DCBLD2: variants seen among roughly 807,000 people sequenced by gnomAD.
DCBLD2 encodes discoidin, CUB and LCCL domain containing 2, also known as discoidin, CUB and LCCL domain-containing protein 2.
DCBLD2 carries 54 observed loss-of-function variants against 86.8 expected under a neutral mutation model. That is an observed-to-expected ratio of 0.62 (90% CI 0.50 to 0.78). The LOEUF is 0.78. Ranked by LOEUF, DCBLD2 falls within the 30% of genes least tolerant of loss-of-function variation. The probability of loss-of-function intolerance (pLI) is 0.00; values close to 1 mark genes in which losing one functional copy is unlikely to be tolerated. For missense variants in DCBLD2, 908 were observed against 954.2 expected, an observed-to-expected ratio of 0.95 and a Z score of 0.64; for synonymous variants, 354 against 341.3, an observed-to-expected ratio of 1.04 and a Z score of -0.41.
intron 4 of DCBLD2, 84 bp downstream of exon 4, chr3:98,825,231 G>T: frequency 9.9e-7 from 1 of 1,011,888 alleles, no homozygotes; most frequent in Non-Finnish European, 1.4e-6. Flanking sequence ...TTAACCCTAA[G>T]AGTATACAGA....
In DCBLD2 at chr3:98,798,763, A is replaced by G. The variant is rs1207510546; in HGVS notation, c.*609T>C. 1.3e-5 allele frequency: 2 copies of G among 152,494 alleles called. No individual in the cohort carries two copies. The highest frequency in any genetic ancestry group is 1.5e-5 in the Non-Finnish European group (1 of 68,264). The allele number at this position is 152,494 out of a possible 1,614,324, so 9.4% of individuals were successfully genotyped here. ...ATATACTGTGAAGCATTAAAGCTCT[A>G]AAGAGTGTCACAAAGTGAAAAAGCA... On this transcript the variant is annotated 3_prime_UTR_variant, in exon 16 of 16. Transcript: ENST00000326840.
At chr3:98,857,622 C>T (rs868376302) in intron 2 of DCBLD2, among the ~76,000 whole-genome samples, 56 of 152,164 alleles carry the variant, frequency 3.7e-4, no homozygotes, top group African/African-American at 1.3e-3. Context: ...CTGAGCTAGA[C>T]GCAGGGTGCT....
chr3:98,841,244 T>TA (rs1942614897), intron 3 of DCBLD2, among the ~76,000 whole-genome samples: 1 of 152,160 alleles, frequency 6.6e-6, no homozygotes. Flanking sequence ...GGCAAGCCAA[T>TA]AATCAATAAC....
chr3:98,850,281 A>G (rs1256379054), intron 2 of DCBLD2, among the ~76,000 whole-genome samples: 2 of 152,234 alleles, frequency 1.3e-5, no homozygotes, highest in Admixed American at 6.5e-5. Context: ...TGGGCCACAC[A>G]TAAAATGCAT....
intron 1 of DCBLD2, among the ~76,000 whole-genome samples, chr3:98,894,993 T>C (rs1053294349): frequency 4.6e-5 from 7 of 151,996 alleles, no homozygotes; most frequent in Admixed American, 2.0e-4. Flanking sequence ...CAAGAAGGGT[T>C]TTGAAGGCTG....
chr3:98,844,034 G>GCGCACACACACACACACACA (rs1553727568), intron 3 of DCBLD2, among the ~76,000 whole-genome samples: 4 of 145,526 alleles, frequency 2.7e-5, no homozygotes, highest in Non-Finnish European at 4.5e-5. Context: ...AATCATGCAT[G>GCGCACACACACACACACACA]CACACACACA....
intron 2 of DCBLD2, among the ~76,000 whole-genome samples, chr3:98,867,120 T>G (rs1238634233): frequency 6.6e-6 from 1 of 152,248 alleles, no homozygotes; most frequent in Non-Finnish European, 1.5e-5. Context: ...CCTTGTAGTA[T>G]AGTTTGAAGT....
At chr3:98,875,274 C>G (rs1298223465) in intron 2 of DCBLD2, among the ~76,000 whole-genome samples, 2 of 152,084 alleles carry the variant, frequency 1.3e-5, no homozygotes, top group African/African-American at 2.4e-5. Context: ...GAACCCGTTA[C>G]AGGATATAAC....
At chr3:98,841,271 G>C (rs1371457519) in intron 3 of DCBLD2, among the ~76,000 whole-genome samples, 3 of 152,048 alleles carry the variant, frequency 2.0e-5, no homozygotes, top group Admixed American at 2.0e-4. Flanking sequence ...AGGAACGTCA[G>C]GTTTTCTGAA....
At chr3:98,863,747 C>A (rs540600290) in intron 2 of DCBLD2, among the ~76,000 whole-genome samples, 210 of 152,196 alleles carry the variant, frequency 1.4e-3, no homozygotes, top group African/African-American at 4.5e-3. Context: ...TTAGACCTAA[C>A]ACCATAAAAA....
chr3:98,893,668 G>GA (rs982974931), intron 1 of DCBLD2, among the ~76,000 whole-genome samples: 2 of 152,104 alleles, frequency 1.3e-5, no homozygotes, highest in Non-Finnish European at 2.9e-5. Context: ...ACAAAGCAAT[G>GA]AAAAAAGAGA....
At chr3:98,880,043 T>A (rs1943438742) in intron 2 of DCBLD2, among the ~76,000 whole-genome samples, 1 of 152,198 alleles carries the variant, frequency 6.6e-6, no homozygotes, top group South Asian at 2.1e-4. Context: ...TTTTTCTACA[T>A]CCTCAGGCGA....
intron 1 of DCBLD2, among the ~76,000 whole-genome samples, chr3:98,886,233 TA>T (rs547475613): frequency 3.4e-4 from 52 of 152,168 alleles, no homozygotes; most frequent in African/African-American, 1.2e-3. Flanking sequence ...TGCTTTTTAT[TA>T]GTCTACAGAC....
Position 98,876,032 on chromosome 3 carries a change from T to A in DCBLD2, c.433+5508A>T, listed in dbSNP as rs1156479067. On this transcript the variant is annotated intron_variant, in intron 2 of 15. Coordinates refer to ENST00000326840, the MANE Select transcript of DCBLD2 (RefSeq NM_080927.4). ...TAGGACTTAGAATCTAGATGCAATT[T>A]AAAAAAAGACTAATGAATCTAACTA... 2.0e-5 allele frequency among the ~76,000 whole-genome samples: 3 copies of A among 152,102 alleles called. No homozygotes were observed. In the East Asian group the frequency reaches 5.8e-4, roughly 29 times the overall value.
At chr3:98,898,909 T>C (rs1943796707) in intron 1 of DCBLD2, among the ~76,000 whole-genome samples, 1 of 152,214 alleles carries the variant, frequency 6.6e-6, no homozygotes, top group Admixed American at 6.5e-5. Context: ...GTAATAATCA[T>C]TTATAGCTAT....
chr3:98,881,179 A>G (rs1204575958), intron 2 of DCBLD2, among the ~76,000 whole-genome samples: 1 of 150,862 alleles, frequency 6.6e-6, no homozygotes, highest in Non-Finnish European at 1.5e-5. Flanking sequence ...GCTTGAACCC[A>G]GGAGGCGGAG....
chr3:98,860,657 T>C (rs1280358175), intron 2 of DCBLD2, among the ~76,000 whole-genome samples: 2 of 152,146 alleles, frequency 1.3e-5, no homozygotes, highest in East Asian at 1.9e-4. Flanking sequence ...TAAAATACTT[T>C]ACAGACAAGC....
At chr3:98,816,211 C>A (rs374658152) in intron 9 of DCBLD2, 39 of 131,340 alleles carry the variant, frequency 3.0e-4, no homozygotes, top group African/African-American at 1.1e-3. Context: ...AAACAGCAGA[C>A]AACGTATTTC....
chr3:98,815,464 A>G (rs900197277), intron 9 of DCBLD2: 1 of 152,222 alleles, frequency 6.6e-6, no homozygotes, highest in African/African-American at 2.4e-5. Context: ...ATAAAGCTCA[A>G]AAATACTTAA....
Sources: allele counts gnomAD v4.1 joint callset (sites outside exome capture counted in the v4.1 genomes callset), GRCh38; gene constraint gnomAD v4.1.1; transcripts MANE v1.5; gene names NCBI Gene and HGNC (gene_info 2026-07-23, HGNC 2026-07-21).